The following ARID4B variants were observed in gnomAD, a reference collection of about 807,000 sequenced individuals.
The protein encoded by ARID4B is AT-rich interaction domain 4B.
ARID4B carries 26 observed loss-of-function variants against 147.5 expected under a neutral mutation model. The observed-to-expected ratio is 0.18, with a 90% CI of 0.13 to 0.24. The LOEUF is 0.24. Ranked by LOEUF, ARID4B falls within the 10% of genes least tolerant of loss-of-function variation. The probability of loss-of-function intolerance (pLI) is 1.00; values close to 1 mark genes in which losing one functional copy is unlikely to be tolerated. For synonymous variants in ARID4B, 512 were observed against 507.9 expected (o/e 1.01, Z -0.11); for missense variants, 1,179 against 1,511.5 (o/e 0.78, Z 3.65).
intron 2 of ARID4B, among the ~76,000 whole-genome samples, chr1:235,293,704 C>A (rs1672489788): frequency 6.6e-6 from 1 of 151,930 alleles, no homozygotes; most frequent in Non-Finnish European, 1.5e-5. Context: ...CAGGAAAGGG[C>A]CAAATACAGT....
chr1:235,292,145 G>A (rs373558781), intron 2 of ARID4B, among the ~76,000 whole-genome samples: 9 of 151,974 alleles, frequency 5.9e-5, no homozygotes, highest in African/African-American at 1.5e-4. Flanking sequence ...TCTTCATTTC[G>A]TTACATATTA....
chr1:235,327,693 T>C (rs1259766452), intron 1 of ARID4B, 76 bp downstream of exon 1: 2 of 152,430 alleles, frequency 1.3e-5, no homozygotes, highest in South Asian at 2.1e-4. Context: ...GATCTTCCTC[T>C]GCTCCTTGGC....
chr1:235,313,675 C>G (rs1488177616), intron 2 of ARID4B, among the ~76,000 whole-genome samples: 1 of 152,116 alleles, frequency 6.6e-6, no homozygotes, highest in South Asian at 2.1e-4. Context: ...ACCCTCTAGG[C>G]TTGGAAGTAA....
rs1333628465 is a variant in ARID4B, at chr1:235,182,481, T to A, written c.2438A>T (p.Asp813Val). 1.9e-6 allele frequency: 3 copies of A among 1,613,588 alleles called. No individual in the cohort carries two copies. In the African/African-American group the frequency reaches 4.0e-5, roughly 22 times the overall value. The change falls in exon 20 of 24, where the codon GAT (aspartate) becomes GTT (valine). Residue 813 changes from aspartate (D) to valine (V), a missense_variant. Transcript: ENST00000264183. ...KRKDVKKDTT[D>V]KSSKPQIKRG... ...TTTTATTTGTGGTTTTGAAGATTTA[T>A]CTGTTGTGTCCTTCTTGACATCCTT...
chr1:235,261,132 TG>T (rs1474066732), intron 2 of ARID4B, among the ~76,000 whole-genome samples: 1 of 151,514 alleles, frequency 6.6e-6, no homozygotes, highest in Non-Finnish European at 1.5e-5. Context: ...AATTCTGGGG[TG>T]GGGGGGAAAT....
intron 20 of ARID4B, among the ~76,000 whole-genome samples, chr1:235,179,525 C>CAA (rs61143006): frequency 0.021 from 1,026 of 48,126 alleles, 106 homozygotes; most frequent in African/African-American, 0.043. Context: ...CTCTATGTCT[C>CAA]AAAAAAAAAA....
chr1:235,260,669 C>T lies in ARID4B; in HGVS notation c.90G>A (p.Lys30=). 6.2e-7 allele frequency: 1 copy of T among 1,611,094 alleles called. No individual in the cohort carries two copies. The highest frequency in any genetic ancestry group is 8.5e-7 in the Non-Finnish European group (1 of 1,178,918). Residue 30 remains lysine (K), a synonymous_variant, in exon 3 of 24, where the codon AAG becomes AAA. Transcript: ENST00000264183. The part of the protein sequence containing the change: ...YRGAFCEAKI[K]TAKRLVKVKV... Reference sequence around the variant, plus strand: ...TGACTTTGACAAGTCTTTTTGCTGTCTTGATCTTGGCTTCACAAAAGGCTC... The same window carrying T: ...TGACTTTGACAAGTCTTTTTGCTGTTTTGATCTTGGCTTCACAAAAGGCTC...
At chr1:235,232,301 T>C (rs1327131595) in intron 9 of ARID4B, among the ~76,000 whole-genome samples, 1 of 151,978 alleles carries the variant, frequency 6.6e-6, no homozygotes, top group African/African-American at 2.4e-5. Flanking sequence ...ATGCCTGTAG[T>C]CCCAGCTACT....
intron 2 of ARID4B, among the ~76,000 whole-genome samples, chr1:235,268,216 T>A (rs1439194621): frequency 6.6e-6 from 1 of 151,908 alleles, no homozygotes; most frequent in Non-Finnish European, 1.5e-5. Context: ...AATAAGTAAA[T>A]ACACTGAATA....
intron 15 of ARID4B, 80 bp from the exon 16 acceptor site, chr1:235,220,048 G>T: frequency 1.1e-6 from 1 of 951,050 alleles, no homozygotes; most frequent in Non-Finnish European, 1.5e-6. Flanking sequence ...TTAGCAACAG[G>T]AGGTATCAAC....
chr1:235,178,426 T>TC (rs1664041423), intron 20 of ARID4B, among the ~76,000 whole-genome samples: 1 of 152,180 alleles, frequency 6.6e-6, no homozygotes, highest in East Asian at 1.9e-4. Flanking sequence ...ATAACTAAGC[T>TC]CCCAGGGCAC....
intron 2 of ARID4B, among the ~76,000 whole-genome samples, chr1:235,325,794 A>C (rs1332679966): frequency 6.6e-6 from 1 of 152,230 alleles, no homozygotes; most frequent in Non-Finnish European, 1.5e-5. Context: ...GAAAACCTTA[A>C]AAAAATTAGA....
intron 2 of ARID4B, among the ~76,000 whole-genome samples, chr1:235,265,469 T>C (rs552605143): frequency 6.6e-6 from 1 of 151,722 alleles, no homozygotes; most frequent in Admixed American, 6.6e-5. Flanking sequence ...GAAGCCTAAG[T>C]GGGCGGACTG....
chr1:235,195,969 C>T, intron 18 of ARID4B, 62 bp downstream of exon 18: 3 of 963,078 alleles, frequency 3.1e-6, no homozygotes, highest in Non-Finnish European at 3.3e-6. Flanking sequence ...TATTTAATTG[C>T]ATCATTTGGA....
At chr1:235,246,281 G>GTCTGAAATTACTATTAGA in intron 7 of ARID4B, 139 bp downstream of exon 7, 1 of 673,618 alleles carries the variant, frequency 1.5e-6, no homozygotes, top group Non-Finnish European at 2.6e-6. Context: ...ATGCTGAGGA[G>GTCTGAAATTACTATTAGA]TCTGAAATTA....
chr1:235,306,370 G>A (rs186899440), intron 2 of ARID4B, among the ~76,000 whole-genome samples: 1 of 152,000 alleles, frequency 6.6e-6, no homozygotes, highest in African/African-American at 2.4e-5. Flanking sequence ...AGGCGTGGTG[G>A]CACACACCTG....
chr1:235,327,104 C>G, intron 1 of ARID4B, 136 bp from the exon 2 acceptor site: 2 of 627,766 alleles, frequency 3.2e-6, no homozygotes, highest in Non-Finnish European at 5.6e-6. Context: ...CGAACCATCA[C>G]ACGCCGACTC....
At chr1:235,313,963 C>T (rs1484878549) in intron 2 of ARID4B, among the ~76,000 whole-genome samples, 2 of 152,126 alleles carry the variant, frequency 1.3e-5, no homozygotes, top group African/African-American at 4.8e-5. Flanking sequence ...TCTATCTCCC[C>T]GAAAGCCTAC....
At chr1:235,200,098 C>G (rs1435391451) in intron 17 of ARID4B, among the ~76,000 whole-genome samples, 1 of 151,810 alleles carries the variant, frequency 6.6e-6, no homozygotes, top group African/African-American at 2.4e-5. Flanking sequence ...ACAGGCAGAT[C>G]ACCCGAGGCC....
Sources: gnomAD v4.1 joint callset for allele counts (sites outside exome capture counted in the v4.1 genomes callset) on GRCh38, gnomAD v4.1.1 for gene constraint, MANE v1.5 for transcripts, NCBI Gene and HGNC (gene_info 2026-07-23, HGNC 2026-07-21) for gene names.